The following LHCGR variants were observed in gnomAD, a reference collection of about 807,000 sequenced individuals.
LHCGR encodes the protein luteinizing hormone/choriogonadotropin receptor.
In LHCGR, 55 loss-of-function variants were observed where a neutral mutation model predicts 60.7. The observed-to-expected ratio is 0.91, with a 90% CI of 0.73 to 1.13. The LOEUF is 1.13. Among genes scored for constraint, LHCGR ranks in the 50% most tolerant of loss-of-function variants. The probability of loss-of-function intolerance (pLI) is 0.00; values close to 1 mark genes in which losing one functional copy is unlikely to be tolerated. For missense variants in LHCGR, 862 were observed against 836.0 expected, an observed-to-expected ratio of 1.03 and a Z score of -0.38; for synonymous variants, 337 against 316.5, an observed-to-expected ratio of 1.06 and a Z score of -0.69.
intron 6 of LHCGR, chr2:48,721,511 A>T (rs1668494339): frequency 9.4e-6 from 3 of 318,832 alleles, no homozygotes; most frequent in South Asian, 5.6e-5. Flanking sequence ...TGATTGCATT[A>T]ATCTGAGATG....
intron 1 of LHCGR, among the ~76,000 whole-genome samples, chr2:48,739,630 G>A (rs1027776101): frequency 1.1e-4 from 17 of 151,910 alleles, no homozygotes; most frequent in Admixed American, 2.0e-4. Flanking sequence ...CATGGACACA[G>A]GAAGGGGAAC....
chr2:48,725,621 T>A, intron 4 of LHCGR, 55 bp downstream of exon 4: 1 of 1,220,218 alleles, frequency 8.2e-7, no homozygotes, highest in Admixed American at 1.7e-5. Flanking sequence ...TGTTTTGATT[T>A]TCATCAGATG....
In LHCGR at chr2:48,688,964, C is replaced by T. The variant is rs1680054917; in HGVS notation, c.948-115G>A. 4 of 891,374 alleles carry T rather than the reference C, an allele frequency of 4.5e-6. No homozygotes were observed. The highest frequency in any genetic ancestry group is 4.2e-5 in the Admixed American group (2 of 47,682). The allele number at this position is 891,374 out of a possible 1,614,324, so 55.2% of individuals were successfully genotyped here. A position where few individuals can be genotyped will look rare whatever the true frequency, so the allele number is the denominator to read the frequency against. ...AAAGGAAACAAAGCCATAATAGCCT[C>T]AGCCTTACATTTATTTGTTAAATTA... On this transcript the variant is annotated intron_variant, in intron 10 of 10. Coordinates refer to ENST00000294954, the MANE Select transcript of LHCGR (RefSeq NM_000233.4). This position sits in a 1 kb window ranked among gnomAD's most constrained non-coding sequence, Gnocchi z 5.2.
At chr2:48,742,650 C>G (rs1235934006) in intron 1 of LHCGR, among the ~76,000 whole-genome samples, 1 of 151,438 alleles carries the variant, frequency 6.6e-6, no homozygotes, top group African/African-American at 2.4e-5. Context: ...CCAACGAGAA[C>G]AAAGACACAA....
chr2:48,746,873 G>C (rs1482805640), intron 1 of LHCGR, among the ~76,000 whole-genome samples: 1 of 152,120 alleles, frequency 6.6e-6, no homozygotes, highest in Non-Finnish European at 1.5e-5. Flanking sequence ...TCTCCCTGGG[G>C]AATGTCTGCC....
chr2:48,720,576 G>T (rs1668453620), intron 6 of LHCGR: 1 of 152,148 alleles, frequency 6.6e-6, no homozygotes, highest in South Asian at 2.1e-4. Flanking sequence ...CTCCATCTCA[G>T]CCAGTTATCT....
At chr2:48,739,734 G>A (rs1197610162) in intron 1 of LHCGR, among the ~76,000 whole-genome samples, 1 of 151,980 alleles carries the variant, frequency 6.6e-6, no homozygotes, top group Non-Finnish European at 1.5e-5. Context: ...AATGGGCACA[G>A]CACACCAACA....
chr2:48,693,792 A>G (rs1436518463), intron 10 of LHCGR, among the ~76,000 whole-genome samples: 1 of 152,226 alleles, frequency 6.6e-6, no homozygotes, highest in East Asian at 1.9e-4. Context: ...GCTCAGGAGC[A>G]TAGTTGTCGA....
At chr2:48,742,796 A>G (rs1342459710) in intron 1 of LHCGR, among the ~76,000 whole-genome samples, 4 of 152,088 alleles carry the variant, frequency 2.6e-5, no homozygotes, top group African/African-American at 7.2e-5. Flanking sequence ...GAAAAGCAAG[A>G]GCAAACACAT....
chr2:48,749,571 C>G (rs1401520791), intron 1 of LHCGR, among the ~76,000 whole-genome samples: 4 of 152,042 alleles, frequency 2.6e-5, no homozygotes, highest in Non-Finnish European at 5.9e-5. Flanking sequence ...GGTGTAGCCA[C>G]TCTGGGAGAT....
intron 1 of LHCGR, among the ~76,000 whole-genome samples, chr2:48,735,998 C>A (rs1572880864): frequency 6.6e-6 from 1 of 152,130 alleles, no homozygotes; most frequent in Non-Finnish European, 1.5e-5. Context: ...CACCTCTCCT[C>A]TCTCTCTTCC....
In LHCGR at chr2:48,688,584, C is replaced by T; in HGVS notation, c.1213G>A (p.Asp405Asn). The change falls in exon 11 of 11, where the codon GAC becomes AAC. Residue 405 changes from aspartate (D) to asparagine (N), a missense_variant. Coordinates refer to ENST00000294954, the MANE Select transcript of LHCGR (RefSeq NM_000233.4). This position sits in a 1 kb window ranked among gnomAD's most constrained non-coding sequence, Gnocchi z 5.2. ...RFLMCNLSFA[D>N]FCMGLYLLLI... ...AGCAGATAGAGCCCCATGCAAAAGT[C>T]TGCAAAGGAGAGATTGCACATGAGA... is the stretch of plus-strand genomic sequence containing the variant. The T allele has an allele frequency of 6.2e-7, 1 of 1,614,190 alleles. No homozygotes were observed. The highest frequency in any genetic ancestry group is 8.5e-7 in the Non-Finnish European group (1 of 1,180,038).
chr2:48,731,246 G>A lies in LHCGR; in HGVS notation c.214C>T (p.Leu72Phe). 1 of 1,609,964 alleles carries A rather than the reference G, an allele frequency of 6.2e-7. No homozygotes were observed. Residue 72 changes from leucine (L) to phenylalanine (F), a missense_variant, in exon 2 of 11, where the codon CTT (leucine) becomes TTT (phenylalanine). Leu to Phe is a conservative substitution (Grantham distance 22). Transcript: ENST00000294954. ...ACTTACATTTTTATGACCTCATTAA[G>A]TCCTCTGAAAGCTTGAGATGGGATC... Reference protein sequence around the residue: ...KVIPSQAFRGLNEVIKIEISQ... With the variant: ...KVIPSQAFRGFNEVIKIEISQ...
At chr2:48,732,847 C>T (rs1288790696) in intron 1 of LHCGR, 1 of 534,204 alleles carries the variant, frequency 1.9e-6, no homozygotes, top group Admixed American at 1.9e-5. Flanking sequence ...AATGATATAA[C>T]CTAGAGAAAG....
intron 1 of LHCGR, among the ~76,000 whole-genome samples, chr2:48,754,882 T>C (rs922454399): frequency 6.6e-6 from 1 of 151,938 alleles, no homozygotes; most frequent in Non-Finnish European, 1.5e-5. Context: ...ATCAGGCCTG[T>C]GAGTGTGGAG....
chr2:48,728,813 A>G (rs996714412), intron 3 of LHCGR, among the ~76,000 whole-genome samples: 5 of 152,120 alleles, frequency 3.3e-5, no homozygotes, highest in Admixed American at 6.5e-5. Context: ...CCAATTTATG[A>G]TCTCTAAGCT....
intron 1 of LHCGR, among the ~76,000 whole-genome samples, chr2:48,746,983 A>G (rs1046722059): frequency 2.0e-5 from 3 of 148,936 alleles, no homozygotes; most frequent in African/African-American, 4.8e-5. Context: ...CTCTTTCATT[A>G]AAAGCGCCTC....
intron 9 of LHCGR, among the ~76,000 whole-genome samples, chr2:48,698,013 C>T (rs551323479): frequency 1.2e-4 from 18 of 152,232 alleles, no homozygotes; most frequent in African/African-American, 3.1e-4. Flanking sequence ...GAGGAAAGAA[C>T]GAAATTCTGC....
In LHCGR at chr2:48,721,568, A is replaced by C. The variant is rs68073206; in HGVS notation, c.536+1888T>G. The C allele has an allele frequency of 0.32, 116,606 of 366,310 alleles. 20,138 individuals are homozygous for C. The highest frequency in any genetic ancestry group is 0.38 in the Non-Finnish European group (69,363 of 184,056). 22.7% of individuals were successfully genotyped at this position (366,310 alleles called of 1,614,324 possible). A position where few individuals can be genotyped will look rare whatever the true frequency, so the allele number is the denominator to read the frequency against. ...GTAACATGACAATTATACATGTAAA[A>C]TTACATCTACACAAAGTAAAAGTAC... is the stretch of plus-strand genomic sequence containing the variant. On this transcript the variant is annotated intron_variant, in intron 6 of 10. Transcript: ENST00000294954.
Sources: gnomAD v4.1 joint callset for allele counts (sites outside exome capture counted in the v4.1 genomes callset) on GRCh38, gnomAD v4.1.1 for gene constraint, Gnocchi (gnomAD v3.1) non-coding constraint, MANE v1.5 for transcripts, NCBI Gene and HGNC (gene_info 2026-07-23, HGNC 2026-07-21) for gene names.